The following ZHX3 variants were observed in gnomAD, a reference collection of about 807,000 sequenced individuals.
The protein encoded by ZHX3 is zinc fingers and homeoboxes 3.
ZHX3 carries 20 observed loss-of-function variants against 64.5 expected under a neutral mutation model. The ratio of observed to expected loss-of-function variants is 0.31; its 90% confidence interval spans 0.22 to 0.45. The LOEUF (loss-of-function observed/expected upper bound fraction) is 0.45, where lower values mean the gene tolerates loss of function less well. ZHX3 is among the 20% of genes least tolerant of loss of function. ZHX3 has a pLI of 1.00. For synonymous variants in ZHX3, 423 were observed against 461.6 expected (o/e 0.92, Z 1.07); for missense variants, 1,041 against 1,195.8 (o/e 0.87, Z 1.91).
intron 2 of ZHX3, among the ~76,000 whole-genome samples, chr20:41,261,199 C>G (rs750646609): frequency 8.6e-5 from 13 of 151,850 alleles, no homozygotes; most frequent in Non-Finnish European, 1.2e-4. Context: ...TCCAAGTAAA[C>G]AAGTTAACAA....
intron 2 of ZHX3, among the ~76,000 whole-genome samples, chr20:41,267,249 T>C (rs1199905552): frequency 1.4e-5 from 2 of 147,578 alleles, no homozygotes; most frequent in African/African-American, 5.2e-5. Flanking sequence ...TTTATATTCC[T>C]AAAGTGGCTA....
In ZHX3 at chr20:41,247,223, A is replaced by G. The variant is rs144870397; in HGVS notation, c.-151+21767T>C. ...GTCGAGGCTGCAGTGAGCCAAGATCATGCCACCGCACTCCAGCCTGGGTGA... is the reference window on the plus strand; with the variant it reads ...GTCGAGGCTGCAGTGAGCCAAGATCGTGCCACCGCACTCCAGCCTGGGTGA... On this transcript the variant is annotated intron_variant, in intron 2 of 3. Transcript: ENST00000683867. Among the ~76,000 whole-genome samples the G allele has an allele frequency of 6.7e-3, 1,015 of 152,214 alleles. 7 individuals are homozygous for G. Among genetic ancestry groups the G allele is most frequent in the Non-Finnish European group, 0.011 (767 of 67,990 alleles).
intron 2 of ZHX3, among the ~76,000 whole-genome samples, chr20:41,242,218 CA>C (rs888270740): frequency 6.6e-6 from 1 of 152,174 alleles, no homozygotes; most frequent in Non-Finnish European, 1.5e-5. Context: ...TTGATCCTCA[CA>C]ATAACCCTAT....
chr20:41,217,680 C>T (rs1346741111), intron 2 of ZHX3, among the ~76,000 whole-genome samples: 4 of 152,148 alleles, frequency 2.6e-5, no homozygotes, highest in Admixed American at 6.5e-5. Flanking sequence ...TCAAAGTCCA[C>T]GAAAGCTTGC....
Position 41,211,637 on chromosome 20 carries a change from C to A in ZHX3, c.-150-6571G>T, listed in dbSNP as rs185176050. On this transcript the variant is annotated intron_variant, in intron 2 of 3. Coordinates refer to ENST00000683867, the MANE Select transcript of ZHX3 (RefSeq NM_001384317.1). ...TTTCACCAAACATTACGTTATAAAC[C>A]TTTTTGTTACACAAGCTTCATAAGT... is the stretch of plus-strand genomic sequence containing the variant. 4.9e-4 allele frequency among the ~76,000 whole-genome samples: 75 copies of A among 152,160 alleles called. 1 individual carries two copies. Among genetic ancestry groups the A allele is most frequent in the East Asian group, 4.6e-3 (24 of 5,180 alleles).
intron 2 of ZHX3, among the ~76,000 whole-genome samples, chr20:41,206,240 C>T (rs1426395745): frequency 1.3e-5 from 2 of 152,208 alleles, no homozygotes; most frequent in South Asian, 2.1e-4. Context: ...CAGAGTGCCT[C>T]TTCTCCTCCA....
chr20:41,279,068 C>A (rs2043536161), intron 1 of ZHX3, among the ~76,000 whole-genome samples: 1 of 152,226 alleles, frequency 6.6e-6, no homozygotes, highest in Non-Finnish European at 1.5e-5. Context: ...TGAGCCACTG[C>A]ACCCAGACTG....
In ZHX3 at chr20:41,228,720, C is replaced by T. The variant is rs1025319183; in HGVS notation, c.-150-23654G>A. 6.6e-6 allele frequency among the ~76,000 whole-genome samples: 1 copy of T among 152,160 alleles called. No homozygotes were observed. The highest frequency in any genetic ancestry group is 1.5e-5 in the Non-Finnish European group (1 of 68,024). ...CACATTAGGGATTAAAATTTCAACA[C>T]GTGAATTTTAGGAGATACATTCAGT... On this transcript the variant is annotated intron_variant, in intron 2 of 3. Coordinates refer to ENST00000683867, the MANE Select transcript of ZHX3 (RefSeq NM_001384317.1). This position sits in a 1 kb window ranked among gnomAD's most constrained non-coding sequence, Gnocchi z 4.6.
At chr20:41,233,865 A>G (rs2040785882) in intron 2 of ZHX3, among the ~76,000 whole-genome samples, 1 of 152,236 alleles carries the variant, frequency 6.6e-6, no homozygotes, top group Non-Finnish European at 1.5e-5. Flanking sequence ...AAGACATGTC[A>G]CCTTTTGAAG....
intron 2 of ZHX3, among the ~76,000 whole-genome samples, chr20:41,253,895 G>A (rs1403753960): frequency 6.6e-6 from 1 of 152,008 alleles, no homozygotes; most frequent in African/African-American, 2.4e-5. Context: ...GGTTGTTCAT[G>A]GTAATAATCT....
At chr20:41,255,632 C>T (rs2042210607) in intron 2 of ZHX3, among the ~76,000 whole-genome samples, 1 of 152,138 alleles carries the variant, frequency 6.6e-6, no homozygotes. Context: ...CCAACAAGGA[C>T]ATATCTACTA....
Position 41,184,999 on chromosome 20 carries a change from T to C in ZHX3, c.*192A>G. 6.4e-7 allele frequency: 1 copy of C among 1,551,122 alleles called. No individual in the cohort carries two copies. The highest frequency in any genetic ancestry group is 1.4e-5 in the African/African-American group (1 of 73,174). On this transcript the variant is annotated 3_prime_UTR_variant, in exon 4 of 4. Transcript: ENST00000683867. ...CTGATGAGAACCCCATCTTGCTTGC[T>C]GCTTGCTTGGTGGTGGGCAGGCCGA...
intron 2 of ZHX3, among the ~76,000 whole-genome samples, chr20:41,235,315 TA>T (rs1243874754): frequency 2.0e-5 from 3 of 151,642 alleles, no homozygotes; most frequent in African/African-American, 7.3e-5. Context: ...AGAGACACAA[TA>T]AAAAAAGAGA....
At position 41,206,909 on chromosome 20, in the gene ZHX3, G is replaced by A. The variant is rs560029276; in HGVS notation, c.-150-1843C>T. The stretch of plus-strand genomic sequence containing the variant: ...AAGGGCAGCCAGAGAGAAAGGTCGG[G>A]TTACCCACAAAGGGAAGCCCATCAG... On this transcript the variant is annotated intron_variant, in intron 2 of 3. Transcript: ENST00000683867. 1.1e-4 allele frequency among the ~76,000 whole-genome samples: 16 copies of A among 152,280 alleles called. No homozygotes were observed. In the East Asian group the frequency reaches 1.5e-3, roughly 15 times the overall value.
rs575438217 is a variant in ZHX3 at position 41,226,033 on chromosome 20, T to C, written c.-150-20967A>G. On this transcript the variant is annotated intron_variant, in intron 2 of 3. Transcript: ENST00000683867. The surrounding 1 kb of genome is among the most constrained non-coding windows in gnomAD (Gnocchi z 4.4). ...AAGATGTAGCCCAACTAGAAGAGAA[T>C]GAAAAGCAAGCTGTTTTCATCATCC... Among the ~76,000 whole-genome samples, 1 of 152,300 alleles carries C rather than the reference T, an allele frequency of 6.6e-6. No individual in the cohort carries two copies. The highest frequency in any genetic ancestry group is 2.4e-5 in the African/African-American group (1 of 41,566).
intron 2 of ZHX3, among the ~76,000 whole-genome samples, chr20:41,241,649 ACT>A (rs1201657501): frequency 6.6e-6 from 1 of 151,464 alleles, no homozygotes; most frequent in Admixed American, 6.6e-5. Flanking sequence ...GGTTACTATA[ACT>A]CTGTGTATAA....
At position 41,232,563 on chromosome 20, in the gene ZHX3, G is replaced by A. The variant is rs149997024; in HGVS notation, c.-150-27497C>T. Among the ~76,000 whole-genome samples, 7 of 152,268 alleles carry A rather than the reference G, an allele frequency of 4.6e-5. No homozygotes were observed. In the East Asian group the frequency reaches 1.4e-3, roughly 29 times the overall value. On this transcript the variant is annotated intron_variant, in intron 2 of 3. Transcript: ENST00000683867. The surrounding 1 kb of genome is among the most constrained non-coding windows in gnomAD (Gnocchi z 5.0). ...GAAAATTGAAACACAGCACCCTCTG[G>A]TGTACATAGCTGTCTTCTAATCTAG...
At chr20:41,277,145 T>C (rs1471725095) in intron 1 of ZHX3, among the ~76,000 whole-genome samples, 1 of 152,018 alleles carries the variant, frequency 6.6e-6, no homozygotes, top group Non-Finnish European at 1.5e-5. Flanking sequence ...TGATTGGGAG[T>C]GGTGTTTACA....
rs891359629 is a variant in ZHX3, at chr20:41,224,016, A to G, written c.-150-18950T>C. ...TGCATTTGCCTCTGGCCATAAAGCC[A>G]TAGTTCAAAAATAACTTAGAGATAT... On this transcript the variant is annotated intron_variant, in intron 2 of 3. Coordinates refer to ENST00000683867, the MANE Select transcript of ZHX3 (RefSeq NM_001384317.1). This position sits in a 1 kb window ranked among gnomAD's most constrained non-coding sequence, Gnocchi z 5.2. Among the ~76,000 whole-genome samples, 1 of 152,234 alleles carries G rather than the reference A, an allele frequency of 6.6e-6. No individual in the cohort carries two copies. The highest frequency in any genetic ancestry group is 2.4e-5 in the African/African-American group (1 of 41,470).
Sources: allele counts gnomAD v4.1 joint callset (sites outside exome capture counted in the v4.1 genomes callset), GRCh38; gene constraint gnomAD v4.1.1; non-coding constraint Gnocchi (gnomAD v3.1); transcripts MANE v1.5; gene names NCBI Gene and HGNC (gene_info 2026-07-23, HGNC 2026-07-21).